Variants in RIPOR2 observed in about 807,000 individuals in gnomAD.
The protein encoded by RIPOR2 is rho family-interacting cell polarization regulator 2.
In RIPOR2, 39 loss-of-function variants were observed where a neutral mutation model predicts 114.5. That is an observed-to-expected ratio of 0.34 (90% CI 0.26 to 0.44). The LOEUF is 0.44. Ranked by LOEUF, RIPOR2 falls within the 20% of genes least tolerant of loss-of-function variation. The pLI, the probability that RIPOR2 is intolerant of heterozygous loss-of-function variation, is 1.00. For missense variants in RIPOR2, 1,007 were observed against 1,255.1 expected, an observed-to-expected ratio of 0.80 and a Z score of 2.99; for synonymous variants, 445 against 484.4, an observed-to-expected ratio of 0.92 and a Z score of 1.07.
intron 1 of RIPOR2, among the ~76,000 whole-genome samples, chr6:24,999,749 G>A (rs1238807637): frequency 1.3e-5 from 2 of 152,024 alleles, no homozygotes; most frequent in Admixed American, 6.6e-5. Flanking sequence ...GTAGAGACAG[G>A]GTTTCACTGT....
At chr6:24,892,819 T>C (rs1055465309) in intron 1 of RIPOR2, among the ~76,000 whole-genome samples, 3 of 152,200 alleles carry the variant, frequency 2.0e-5, no homozygotes, top group Non-Finnish European at 4.4e-5. Flanking sequence ...GGATTCTGTT[T>C]GGACTATAAT....
At position 25,005,694 on chromosome 6, in the gene RIPOR2, GATATATATATATATATATATATAT is replaced by G. The variant is rs34057286; in HGVS notation, c.76+36133_76+36156del. On this transcript the variant is annotated intron_variant, in intron 1 of 13. Transcript: ENST00000510784. ...GTTTCAAAAATAAAATCCCTATGGA[GATATATATATATATATATATATAT>G]ATATATATATATATATATATATACA... 7.3e-3 allele frequency among the ~76,000 whole-genome samples: 333 copies of G among 45,382 alleles called. 10 individuals are homozygous for G. The highest frequency in any genetic ancestry group is 0.016 in the Middle Eastern group (1 of 62). The allele number at this position is 45,382 out of a possible 152,430, so 29.8% of individuals were successfully genotyped here.
intron 15 of RIPOR2, among the ~76,000 whole-genome samples, chr6:24,834,744 C>T (rs568389285): frequency 8.5e-5 from 13 of 152,264 alleles, no homozygotes; most frequent in African/African-American, 3.1e-4. Context: ...CCACCTCCGC[C>T]TCCTGAGTAG....
At chr6:24,939,610 A>G (rs886166619), upstream of RIPOR2, among the ~76,000 whole-genome samples, 1 of 152,194 alleles carries the variant, frequency 6.6e-6, no homozygotes, top group Admixed American at 6.5e-5. Context: ...TCCCCTTCGA[A>G]TCCATATTAG....
intron 1 of RIPOR2, among the ~76,000 whole-genome samples, chr6:25,006,270 A>C (rs968026129): frequency 2.6e-5 from 4 of 152,344 alleles, no homozygotes; most frequent in Non-Finnish European, 5.9e-5. Context: ...TGTTCAATAA[A>C]CATTAATTGA....
chr6:24,835,669 G>T, intron 15 of RIPOR2, 34 bp downstream of exon 15: 1 of 1,542,228 alleles, frequency 6.5e-7, no homozygotes, highest in Non-Finnish European at 8.8e-7. Flanking sequence ...TAAATCACCT[G>T]GCATCTCAAA....
intron 1 of RIPOR2, among the ~76,000 whole-genome samples, chr6:24,973,946 G>A (rs867332682): frequency 6.6e-6 from 1 of 152,162 alleles, no homozygotes; most frequent in African/African-American, 2.4e-5. Context: ...GATGACTAGA[G>A]GACGGAGAGA....
At chr6:24,950,596 A>T (rs1772697541) in intron 1 of RIPOR2, among the ~76,000 whole-genome samples, 1 of 152,206 alleles carries the variant, frequency 6.6e-6, no homozygotes. Flanking sequence ...AGGACAAGGA[A>T]TCTAAGTGAA....
intron 21 of RIPOR2, among the ~76,000 whole-genome samples, chr6:24,808,588 T>C (rs1010084745): frequency 6.6e-6 from 1 of 152,114 alleles, no homozygotes; most frequent in Non-Finnish European, 1.5e-5. Context: ...TGATTATAAA[T>C]GCCATGAGAT....
At chr6:25,040,674 C>T (rs1169485891) in intron 1 of RIPOR2, among the ~76,000 whole-genome samples, 2 of 149,860 alleles carry the variant, frequency 1.3e-5, no homozygotes, top group African/African-American at 4.9e-5. Context: ...CTCACCGCAA[C>T]CTCCACCTCC....
At chr6:25,012,945 C>G (rs1024885653) in intron 1 of RIPOR2, among the ~76,000 whole-genome samples, 1 of 151,562 alleles carries the variant, frequency 6.6e-6, no homozygotes, top group Non-Finnish European at 1.5e-5. Flanking sequence ...TGCCTCCATA[C>G]GGAGGGGATG....
intron 1 of RIPOR2, among the ~76,000 whole-genome samples, chr6:24,977,295 G>C (rs1774107512): frequency 1.5e-5 from 2 of 135,710 alleles, no homozygotes; most frequent in Non-Finnish European, 3.4e-5. Flanking sequence ...AATCATGGTA[G>C]GGTTACCAAT....
chr6:25,028,002 G>C (rs9348658), intron 1 of RIPOR2, among the ~76,000 whole-genome samples: 32,225 of 152,074 alleles, frequency 0.21, 4,225 homozygotes, highest in East Asian at 0.61. Context: ...CTCTAAGCCC[G>C]AGGGTTCTGC....
intron 14 of RIPOR2, among the ~76,000 whole-genome samples, chr6:24,836,809 T>TACACACAC (rs10623077): frequency 3.3e-4 from 49 of 150,664 alleles, no homozygotes; most frequent in African/African-American, 1.0e-3. Flanking sequence ...ATATTTAAAA[T>TACACACAC]ACACACACAC....
intron 1 of RIPOR2, among the ~76,000 whole-genome samples, chr6:24,951,944 G>A (rs555125268): frequency 3.3e-5 from 5 of 152,292 alleles, no homozygotes; most frequent in East Asian, 1.9e-4. Flanking sequence ...CACAGTAGTC[G>A]TAAATATGTA....
At chr6:24,924,410 G>C (rs984078999) in intron 1 of RIPOR2, among the ~76,000 whole-genome samples, 14 of 152,118 alleles carry the variant, frequency 9.2e-5, no homozygotes, top group African/African-American at 2.9e-4. Context: ...ATGTTGCAGA[G>C]GTGTAAATAG....
At position 24,865,420 on chromosome 6, in the gene RIPOR2, G is replaced by A; in HGVS notation, c.532C>T (p.Gln178Ter). ...VDELYEAYCIQRRLQDGASKM... is the reference protein window; with the variant it reads ...VDELYEAYCI ...CTGGCACCATCCTGGAGGCGTCGCT[G>A]GATACAATAAGCTTCATAGAGTTCA... The change falls in exon 7 of 22, where the codon CAG becomes TAG. Residue 178 changes from glutamine (Q) to a stop codon, truncating the protein, a stop_gained. Coordinates refer to ENST00000643898, the MANE Select transcript of RIPOR2 (RefSeq NM_001286445.3). LOFTEE classifies it high-confidence loss of function. 2 of 1,613,006 alleles carry A rather than the reference G, an allele frequency of 1.2e-6. No individual in the cohort carries two copies. Among genetic ancestry groups the A allele is most frequent in the Non-Finnish European group, 1.7e-6 (2 of 1,179,416 alleles).
chr6:24,935,917 G>C lies in RIPOR2; in HGVS notation c.-19C>G. On this transcript the variant is annotated 5_prime_UTR_variant, in exon 1 of 22. Transcript: ENST00000643898. The stretch of plus-strand genomic sequence containing the variant: ...ACTGCATCTTGGAGAGGACAGGCGC[G>C]AGAAGCAGCAGGCAGCAGCCCCGGC... 1.3e-6 allele frequency: 2 copies of C among 1,529,700 alleles called. No individual in the cohort carries two copies. Among genetic ancestry groups the C allele is most frequent in the Non-Finnish European group, 1.8e-6 (2 of 1,141,728 alleles). The allele number at this position is 1,529,700 out of a possible 1,614,324, so 94.8% of individuals were successfully genotyped here.
intron 1 of RIPOR2, among the ~76,000 whole-genome samples, chr6:25,029,411 G>GAAAAAAAAAAAAAAAAAAAA (rs71544610): frequency 1.1e-5 from 1 of 90,644 alleles, no homozygotes; most frequent in Non-Finnish European, 2.0e-5. Context: ...TCTCAAAAAA[G>GAAAAAAAAAAAAAAAAAAAA]AAAAAAAAAA....
Sources: allele counts gnomAD v4.1 joint callset (sites outside exome capture counted in the v4.1 genomes callset), GRCh38; gene constraint gnomAD v4.1.1; transcripts MANE v1.5; gene names NCBI Gene and HGNC (gene_info 2026-07-23, HGNC 2026-07-21).